Variants in AHRR observed in about 807,000 individuals in gnomAD.
The protein encoded by AHRR is aryl hydrocarbon receptor repressor, also known as ahR repressor.
Under a neutral mutation model 44.0 loss-of-function variants are expected in AHRR, and 28 were observed. The ratio of observed to expected loss-of-function variants is 0.64; its 90% CI spans 0.47 to 0.87. The LOEUF (loss-of-function observed/expected upper bound fraction) is 0.87, where lower values mean the gene tolerates loss of function less well. Among genes scored for constraint, AHRR ranks in the 40% least tolerant of loss-of-function variants. AHRR has a pLI of 0.00. For missense variants in AHRR, 990 were observed against 953.9 expected, an observed-to-expected ratio of 1.04 and a Z score of -0.50; for synonymous variants, 434 against 407.0, an observed-to-expected ratio of 1.07 and a Z score of -0.80.
intron 4 of AHRR, among the ~76,000 whole-genome samples, chr5:408,082 G>A (rs969185845): frequency 6.6e-6 from 1 of 152,218 alleles, no homozygotes; most frequent in Non-Finnish European, 1.5e-5. Flanking sequence ...TCCACCCCTG[G>A]CACTCTGCTT....
chr5:432,523 A>T lies in AHRR; in HGVS notation c.969A>T (p.Ala323=). 1 of 1,613,878 alleles carries T rather than the reference A, an allele frequency of 6.2e-7. No individual in the cohort carries two copies. Among genetic ancestry groups the T allele is most frequent in the South Asian group, 1.1e-5 (1 of 91,070 alleles). Residue 323 remains alanine (A), a splice_region_variant and synonymous_variant, in exon 9 of 11, where the codon GCA becomes GCT. Transcript: ENST00000684583. ...TGCATGGAAAACCCAATTACTCAGC[A>T]GGTACTTAGAACATTTCTTATCTGA... ...SELHGKPNYS[A]GRSSRESGVL...
chr5:356,569 C>T (rs1454541991), intron 3 of AHRR, among the ~76,000 whole-genome samples: 6 of 35,798 alleles, frequency 1.7e-4, no homozygotes, highest in African/African-American at 7.3e-4. Context: ...GGAGTCCACC[C>T]GGGCAGTCAG....
At chr5:376,827 GC>G in intron 4 of AHRR, 111 bp downstream of exon 4, 1 of 949,380 alleles carries the variant, frequency 1.1e-6, no homozygotes, top group Non-Finnish European at 1.6e-6. Context: ...CACCCAGGAG[GC>G]CCTTAGGTTG....
chr5:396,596 C>CA (rs2126483274), intron 4 of AHRR, among the ~76,000 whole-genome samples: 1 of 152,322 alleles, frequency 6.6e-6, no homozygotes, highest in South Asian at 2.1e-4. Flanking sequence ...CCACGTTTTA[C>CA]CGTCTGTTGT....
chr5:329,328 A>T (rs1231176123), intron 1 of AHRR, among the ~76,000 whole-genome samples: 1 of 152,090 alleles, frequency 6.6e-6, no homozygotes, highest in East Asian at 1.9e-4. Flanking sequence ...CCTCCTGAGT[A>T]ACTGGACTAT....
intron 1 of AHRR, among the ~76,000 whole-genome samples, chr5:323,259 G>A (rs887087330): frequency 6.6e-6 from 1 of 152,246 alleles, no homozygotes; most frequent in Non-Finnish European, 1.5e-5. Flanking sequence ...GGGCATTTCT[G>A]TGGGGAGTTT....
At chr5:425,169 G>A (rs148255999) in intron 7 of AHRR, among the ~76,000 whole-genome samples, 1,672 of 152,354 alleles carry the variant, frequency 0.011, 17 homozygotes, top group Middle Eastern at 0.02. Flanking sequence ...CCATGGCAGA[G>A]GTACCTGTGG....
Position 388,529 on chromosome 5 carries a change from G to A in AHRR, c.351+11813G>A, listed in dbSNP as rs1734264500. Among the ~76,000 whole-genome samples, 1 of 152,282 alleles carries A rather than the reference G, an allele frequency of 6.6e-6. No homozygotes were observed. The highest frequency in any genetic ancestry group is 1.5e-5 in the Non-Finnish European group (1 of 68,018). ...GGGGGAGCCTGGAGGAGTGGGGTTT[G>A]GACACCCGGCAGGTCTCTTCCAAAC... On this transcript the variant is annotated intron_variant, in intron 4 of 10. Transcript: ENST00000684583. The surrounding 1 kb of genome is among the most constrained non-coding windows in gnomAD (Gnocchi z 5.2).
At chr5:396,127 C>T (rs1734694721) in intron 4 of AHRR, among the ~76,000 whole-genome samples, 1 of 152,158 alleles carries the variant, frequency 6.6e-6, no homozygotes, top group Non-Finnish European at 1.5e-5. Flanking sequence ...GGGAGGGTCC[C>T]AGCCCCCATG....
At position 406,779 on chromosome 5, in the gene AHRR, G is replaced by A. The variant is rs941156012; in HGVS notation, c.352-6565G>A. ...TAAAAGCATGGGCCACTGCAGTCAC[G>A]GTGATCCAGGAGTAAGGTGAGACCC... On this transcript the variant is annotated intron_variant, in intron 4 of 10. Coordinates refer to ENST00000684583, the MANE Select transcript of AHRR (RefSeq NM_001377236.1). The surrounding 1 kb of genome is among the most constrained non-coding windows in gnomAD (Gnocchi z 4.7). Among the ~76,000 whole-genome samples the A allele has an allele frequency of 5.9e-5, 9 of 152,158 alleles. No individual in the cohort carries two copies. The highest frequency in any genetic ancestry group is 5.2e-4 in the Admixed American group (8 of 15,284).
At chr5:414,002 C>T (rs1401424216) in intron 5 of AHRR, among the ~76,000 whole-genome samples, 3 of 152,226 alleles carry the variant, frequency 2.0e-5, no homozygotes, top group Admixed American at 6.5e-5. Flanking sequence ...CGGTGGCTCA[C>T]GCCTGTAATC....
chr5:424,398 C>T (rs80207638), intron 7 of AHRR, among the ~76,000 whole-genome samples: 164 of 82,350 alleles, frequency 2.0e-3, no homozygotes, highest in Non-Finnish European at 4.0e-3. Flanking sequence ...GGTGGGGGGG[C>T]GAGGGCCGGT....
At chr5:429,880 C>T (rs1425313127) in intron 8 of AHRR, among the ~76,000 whole-genome samples, 1 of 152,226 alleles carries the variant, frequency 6.6e-6, no homozygotes, top group Non-Finnish European at 1.5e-5. Flanking sequence ...ACTCGAATCT[C>T]ACTGCCTGGG....
chr5:427,495 G>T lies in AHRR; in HGVS notation c.709-312G>T. On this transcript the variant is annotated intron_variant, in intron 7 of 10. Coordinates refer to ENST00000684583, the MANE Select transcript of AHRR (RefSeq NM_001377236.1). ...GTGGCAGGTCCCACAGGCGCAGTTC[G>T]TGCCACCTGCGCATGGGGTGGCACA... 8.8e-6 allele frequency: 9 copies of T among 1,021,846 alleles called. No homozygotes were observed. In the South Asian group the frequency reaches 1.3e-4, roughly 15 times the overall value. The allele number at this position is 1,021,846 out of a possible 1,614,324, so 63.3% of individuals were successfully genotyped here. A position where few individuals can be genotyped will look rare whatever the true frequency, so the allele number is the denominator to read the frequency against.
intron 3 of AHRR, among the ~76,000 whole-genome samples, chr5:367,268 G>A (rs1743393327): frequency 1.3e-5 from 2 of 152,240 alleles, no homozygotes; most frequent in Admixed American, 6.5e-5. Flanking sequence ...GAGTTCGTGG[G>A]CACGTGGTGG....
chr5:383,953 G>A lies in AHRR; in HGVS notation c.351+7237G>A, dbSNP rs890728441. On this transcript the variant is annotated intron_variant, in intron 4 of 10. Coordinates refer to ENST00000684583, the MANE Select transcript of AHRR (RefSeq NM_001377236.1). The surrounding 1 kb of genome is among the most constrained non-coding windows in gnomAD (Gnocchi z 4.0). Reference sequence around the variant, plus strand: ...ATTTATGTCATTATATTAAAAGTGTGTGTTTTGTTGGCAGTATGTAAGTTG... The same window carrying A: ...ATTTATGTCATTATATTAAAAGTGTATGTTTTGTTGGCAGTATGTAAGTTG... 3.3e-5 allele frequency among the ~76,000 whole-genome samples: 5 copies of A among 152,002 alleles called. No homozygotes were observed. Among genetic ancestry groups the A allele is most frequent in the Admixed American group, 3.3e-4 (5 of 15,268 alleles).
At position 432,864 on chromosome 5, in the gene AHRR, A is replaced by AT. The variant is rs775529733; in HGVS notation, c.1030dup (p.Trp344LeufsTer18). The AT allele has an allele frequency of 6.2e-7, 1 of 1,613,794 alleles. No individual in the cohort carries two copies. The highest frequency in any genetic ancestry group is 2.2e-5 in the East Asian group (1 of 44,872). The stretch of plus-strand genomic sequence containing the variant: ...TCAGGGAACAGACTGACGCTGGCCG[A>AT]TGGGCACAGGTTCCCGCCAGGGCCC... On this transcript the variant is annotated frameshift_variant, in exon 10 of 11. Transcript: ENST00000684583.
chr5:324,004 T>TC (rs1741603680), intron 1 of AHRR, among the ~76,000 whole-genome samples: 1 of 117,278 alleles, frequency 8.5e-6, no homozygotes, highest in South Asian at 2.6e-4. Flanking sequence ...TTTCTTTTTT[T>TC]CTCTTTCTTT....
At chr5:352,639 G>A (rs1374663882) in intron 2 of AHRR, among the ~76,000 whole-genome samples, 1 of 142,124 alleles carries the variant, frequency 7.0e-6, no homozygotes, top group East Asian at 2.0e-4. Flanking sequence ...GGTTAAATAG[G>A]TCAGCTGTAG....
Sources: allele counts gnomAD v4.1 joint callset (sites outside exome capture counted in the v4.1 genomes callset), GRCh38; gene constraint gnomAD v4.1.1; non-coding constraint Gnocchi (gnomAD v3.1); transcripts MANE v1.5; gene names NCBI Gene and HGNC (gene_info 2026-07-23, HGNC 2026-07-21).